Variants in ARHGEF4 observed in about 807,000 individuals in gnomAD.
ARHGEF4 encodes the protein APC-stimulated guanine nucleotide exchange factor 1.
ARHGEF4 carries 119 observed loss-of-function variants against 162.0 expected under a neutral mutation model. The observed-to-expected ratio is 0.73, with a 90% CI of 0.63 to 0.86. ARHGEF4 has a LOEUF of 0.86. ARHGEF4 is among the 40% of genes least tolerant of loss of function. The pLI, the probability that ARHGEF4 is intolerant of heterozygous loss-of-function variation, is 0.00. For synonymous variants in ARHGEF4, 1,014 were observed against 979.9 expected, an observed-to-expected ratio of 1.03 and a Z score of -0.65; for missense variants, 2,488 against 2,456.0, an observed-to-expected ratio of 1.01 and a Z score of -0.28.
chr2:130,970,367 T>G (rs978062158), intron 4 of ARHGEF4, among the ~76,000 whole-genome samples: 12 of 152,188 alleles, frequency 7.9e-5, no homozygotes, highest in African/African-American at 2.9e-4. Context: ...GGCAGGTGGA[T>G]CACCTGAGGT....
intron 1 of ARHGEF4, among the ~76,000 whole-genome samples, chr2:130,857,197 A>C (rs1156497486): frequency 2.6e-5 from 4 of 152,050 alleles, no homozygotes; most frequent in Non-Finnish European, 5.9e-5. Flanking sequence ...GCGTCACTGC[A>C]CTCCAGCCTG....
chr2:130,953,677 C>T (rs1412253184), intron 4 of ARHGEF4, among the ~76,000 whole-genome samples: 1 of 152,244 alleles, frequency 6.6e-6, no homozygotes, highest in African/African-American at 2.4e-5. Flanking sequence ...GGCTAACATC[C>T]AGAATCTGCA....
At chr2:130,945,971 G>T (rs570392214) in intron 3 of ARHGEF4, among the ~76,000 whole-genome samples, 1 of 152,238 alleles carries the variant, frequency 6.6e-6, no homozygotes, top group East Asian at 1.9e-4. Context: ...AACTTCATAA[G>T]GTAGAAAAAA....
At chr2:131,033,952 G>GC (rs1201821821) in intron 5 of ARHGEF4, among the ~76,000 whole-genome samples, 1 of 152,146 alleles carries the variant, frequency 6.6e-6, no homozygotes, top group Non-Finnish European at 1.5e-5. Flanking sequence ...ACACAGAGGT[G>GC]CCTATGCCCA....
At chr2:131,018,094 A>C (rs1688875585) in intron 4 of ARHGEF4, among the ~76,000 whole-genome samples, 1 of 152,262 alleles carries the variant, frequency 6.6e-6, no homozygotes, top group Non-Finnish European at 1.5e-5. Flanking sequence ...TTATACCCAC[A>C]GAAAACAAGA....
At chr2:130,920,661 A>C (rs1222189543) in intron 2 of ARHGEF4, among the ~76,000 whole-genome samples, 1 of 152,198 alleles carries the variant, frequency 6.6e-6, no homozygotes, top group African/African-American at 2.4e-5. Context: ...TGGTGAGAGT[A>C]ATTTGCAAGG....
chr2:131,045,697 T>C (rs1161484531), intron 13 of ARHGEF4: 1 of 1,456,660 alleles, frequency 6.9e-7, no homozygotes, highest in African/African-American at 1.4e-5. Context: ...ACAATGCTTG[T>C]TTCCCCAGGG....
Position 130,847,873 on chromosome 2 carries a change from G to A in ARHGEF4, c.39+10881G>A, listed in dbSNP as rs555338747. Among the ~76,000 whole-genome samples, 27 of 152,344 alleles carry A rather than the reference G, an allele frequency of 1.8e-4. No individual in the cohort carries two copies. In the South Asian group the frequency reaches 4.3e-3, roughly 25 times the overall value. ...CACTGCCCCTGGCATGAGGGCCTGC[G>A]TGCCCTGACCCTCCCCACAGCCCCT... On this transcript the variant is annotated intron_variant, in intron 1 of 13. Transcript: ENST00000409359.
At chr2:130,919,375 A>G (rs911515099) in intron 2 of ARHGEF4, among the ~76,000 whole-genome samples, 2 of 152,202 alleles carry the variant, frequency 1.3e-5, no homozygotes. Flanking sequence ...ATGATTGGCA[A>G]TCAACACTCA....
Position 130,988,889 on chromosome 2 carries a change from TATATATATATATAGAGAGAGAGAGAG to T in ARHGEF4, c.3986-39054_3986-39029del, listed in dbSNP as rs1179151203. Among the ~76,000 whole-genome samples, 187 of 116,456 alleles carry T rather than the reference TATATATATATATAGAGAGAGAGAGAG, an allele frequency of 1.6e-3. 1 individual carries two copies. The highest frequency in any genetic ancestry group is 5.0e-3 in the African/African-American group (161 of 32,148). 76.4% of individuals were successfully genotyped at this position (116,456 alleles called of 152,430 possible). A position where few individuals can be genotyped will look rare whatever the true frequency, so the allele number is the denominator to read the frequency against. On this transcript the variant is annotated intron_variant, in intron 4 of 13. Coordinates refer to ENST00000409359, the MANE Select transcript of ARHGEF4 (RefSeq NM_001367493.1). Reference sequence around the variant, plus strand: ...GTGTGTGTGTATATATATATATATATATATATATATATAGAGAGAGAGAGAGAGAGAGAGAGAGAGAGAGAGAAAGA... The same window carrying T: ...GTGTGTGTGTATATATATATATATATAGAGAGAGAGAGAGAGAGAGAAAGA...
chr2:131,045,321 C>T (rs750477136), intron 12 of ARHGEF4, 48 bp from the exon 13 acceptor site: 7 of 1,570,834 alleles, frequency 4.5e-6, no homozygotes, highest in Non-Finnish European at 6.1e-6. Flanking sequence ...GGAACTGCAC[C>T]TGGGGCCACG....
At chr2:131,003,923 A>G (rs1357347032) in intron 4 of ARHGEF4, among the ~76,000 whole-genome samples, 1 of 152,120 alleles carries the variant, frequency 6.6e-6, no homozygotes, top group Admixed American at 6.5e-5. Flanking sequence ...GACCCTTCAC[A>G]AGTTTTCACC....
intron 4 of ARHGEF4, among the ~76,000 whole-genome samples, chr2:131,006,690 T>A (rs1295814339): frequency 1.3e-5 from 2 of 152,196 alleles, no homozygotes; most frequent in Non-Finnish European, 2.9e-5. Flanking sequence ...CTGTGCCCTA[T>A]CCCTCTGGTC....
chr2:130,971,843 C>A (rs1685393523), intron 4 of ARHGEF4, among the ~76,000 whole-genome samples: 1 of 152,174 alleles, frequency 6.6e-6, no homozygotes, highest in Non-Finnish European at 1.5e-5. Flanking sequence ...TCCACCAGAC[C>A]TCACTGCAGT....
chr2:130,872,620 A>G (rs72855909), intron 1 of ARHGEF4, among the ~76,000 whole-genome samples: 5,884 of 152,250 alleles, frequency 0.039, 319 homozygotes, highest in East Asian at 0.24. Flanking sequence ...TGACTTCTGC[A>G]AGTCTTTTAA....
chr2:130,837,524 G>C, intron 1 of ARHGEF4: 1 of 414,874 alleles, frequency 2.4e-6, no homozygotes, highest in East Asian at 8.3e-5. Flanking sequence ...GGGGCTGTTG[G>C]GCTCCTGCTC....
chr2:131,036,905 C>G (rs1014373925), intron 5 of ARHGEF4, among the ~76,000 whole-genome samples: 4 of 152,194 alleles, frequency 2.6e-5, no homozygotes, highest in African/African-American at 9.7e-5. Flanking sequence ...TCTTCAGGGC[C>G]TCAGCGGGGT....
chr2:130,959,377 G>A (rs565552230), intron 4 of ARHGEF4, among the ~76,000 whole-genome samples: 2 of 152,310 alleles, frequency 1.3e-5, no homozygotes, highest in Admixed American at 6.5e-5. Context: ...TCCTCTGAAT[G>A]GGGAGAAAGG....
intron 2 of ARHGEF4, among the ~76,000 whole-genome samples, chr2:130,926,615 G>A (rs1682303676): frequency 6.6e-6 from 1 of 151,974 alleles, no homozygotes; most frequent in South Asian, 2.1e-4. Flanking sequence ...TCCTTTATTG[G>A]CCTCTATTGA....
Sources: gnomAD v4.1 joint callset for allele counts (sites outside exome capture counted in the v4.1 genomes callset) on GRCh38, gnomAD v4.1.1 for gene constraint, MANE v1.5 for transcripts, NCBI Gene and HGNC (gene_info 2026-07-23, HGNC 2026-07-21) for gene names.